The following CHIC2 variants were observed in gnomAD, a reference collection of about 807,000 sequenced individuals.
CHIC2 encodes the protein cysteine-rich hydrophobic domain-containing protein 2.
In CHIC2, 14 loss-of-function variants were observed where a neutral mutation model predicts 25.9. The ratio of observed to expected loss-of-function variants is 0.54; its 90% confidence interval spans 0.36 to 0.85. The LOEUF (loss-of-function observed/expected upper bound fraction) is 0.85. CHIC2 is among the 40% of genes least tolerant of loss of function. The pLI is 0.01. For synonymous variants in CHIC2, 70 were observed against 72.0 expected (o/e 0.97, Z 0.14); for missense variants, 146 against 202.0 (o/e 0.72, Z 1.68).
intron 3 of CHIC2, among the ~76,000 whole-genome samples, chr4:54,014,462 AATAC>A (rs1179068253): frequency 1.3e-5 from 2 of 152,178 alleles, no homozygotes; most frequent in African/African-American, 2.4e-5. Flanking sequence ...GAAGTTCCTT[AATAC>A]ATATTTTAAA....
intron 3 of CHIC2, among the ~76,000 whole-genome samples, chr4:54,042,049 G>C (rs1458175057): frequency 6.7e-6 from 1 of 149,382 alleles, no homozygotes; most frequent in Non-Finnish European, 1.5e-5. Context: ...AAATTATTTT[G>C]CCTCCATCTT....
chr4:54,046,192 C>G (rs1043546009), intron 3 of CHIC2, among the ~76,000 whole-genome samples: 10 of 152,096 alleles, frequency 6.6e-5, no homozygotes, highest in Non-Finnish European at 1.3e-4. Flanking sequence ...TCATGGATAG[C>G]AAGAATCAAT....
intron 3 of CHIC2, among the ~76,000 whole-genome samples, chr4:54,033,796 C>T (rs756543175): frequency 1.3e-5 from 2 of 152,066 alleles, no homozygotes; most frequent in South Asian, 2.1e-4. Context: ...ATTGCCTTTC[C>T]ACCTTTGGTG....
At chr4:54,043,047 A>G (rs1051945848) in intron 3 of CHIC2, among the ~76,000 whole-genome samples, 2 of 152,158 alleles carry the variant, frequency 1.3e-5, no homozygotes, top group Non-Finnish European at 2.9e-5. Context: ...GCAGTGGCTC[A>G]CACCTGTAAT....
At chr4:54,087,071 T>C in the CHIC2 span, 1 of 1,101,460 alleles carries the variant, frequency 9.1e-7, no homozygotes. Context: ...AGAAAAATCT[T>C]GAACCACCTC....
the CHIC2 span, among the ~76,000 whole-genome samples, chr4:54,077,286 C>T: frequency 6.6e-6 from 1 of 152,190 alleles, no homozygotes; most frequent in Non-Finnish European, 1.5e-5. Context: ...CTAGTTGCCT[C>T]CTTCACAGAA....
At chr4:54,062,865 T>C (rs1717379049) in intron 1 of CHIC2, among the ~76,000 whole-genome samples, 2 of 152,132 alleles carry the variant, frequency 1.3e-5, no homozygotes, top group Non-Finnish European at 2.9e-5. Flanking sequence ...TTAATATCCA[T>C]GATATTTGGT....
chr4:54,020,486 T>C (rs1225530317), intron 3 of CHIC2, among the ~76,000 whole-genome samples: 1 of 152,154 alleles, frequency 6.6e-6, no homozygotes, highest in Non-Finnish European at 1.5e-5. Context: ...TGTTTGGTGG[T>C]CTCTTCACAC....
At chr4:54,052,089 A>G (rs573064528) in intron 1 of CHIC2, among the ~76,000 whole-genome samples, 14 of 151,898 alleles carry the variant, frequency 9.2e-5, no homozygotes, top group Non-Finnish European at 1.5e-4. Flanking sequence ...CACAGCAAAT[A>G]TCTCCTTTGC....
intron 3 of CHIC2, among the ~76,000 whole-genome samples, chr4:54,045,938 C>A (rs1006778496): frequency 1.6e-4 from 24 of 151,654 alleles, no homozygotes; most frequent in Non-Finnish European, 4.4e-5. Flanking sequence ...AGCTGATAAG[C>A]AACTTCAGCA....
At chr4:54,063,834 A>G (rs929236735) in intron 1 of CHIC2, among the ~76,000 whole-genome samples, 1 of 152,218 alleles carries the variant, frequency 6.6e-6, no homozygotes, top group African/African-American at 2.4e-5. Flanking sequence ...ACCACAGGGT[A>G]ACTGGGCGAG....
intron 1 of CHIC2, among the ~76,000 whole-genome samples, chr4:54,062,998 C>G (rs1717383081): frequency 6.6e-6 from 1 of 152,162 alleles, no homozygotes. Context: ...GTCACCTGAA[C>G]ATAAACTAAC....
chr4:54,031,676 G>A (rs184973146), intron 3 of CHIC2, among the ~76,000 whole-genome samples: 61 of 133,896 alleles, frequency 4.6e-4, no homozygotes, highest in African/African-American at 1.6e-3. Context: ...CTGGAGTACA[G>A]TGGTGCCATC....
chr4:54,057,840 A>G, intron 1 of CHIC2, among the ~76,000 whole-genome samples: 1 of 152,224 alleles, frequency 6.6e-6, no homozygotes, highest in African/African-American at 2.4e-5. Flanking sequence ...ATCTACATTC[A>G]ACAATCAGGA....
chr4:54,066,626 T>C (rs1045746495), upstream of CHIC2, among the ~76,000 whole-genome samples: 4 of 107,784 alleles, frequency 3.7e-5, no homozygotes, highest in African/African-American at 8.4e-5. Context: ...CCTGAATGTC[T>C]TTTTTTTTTT....
chr4:54,051,760 AG>A (rs1717013743), intron 1 of CHIC2, among the ~76,000 whole-genome samples: 1 of 152,136 alleles, frequency 6.6e-6, no homozygotes, highest in Admixed American at 6.5e-5. Flanking sequence ...CCTTAAACAT[AG>A]CCTACAAACC....
chr4:54,061,434 G>C lies in CHIC2; in HGVS notation c.119+2748C>G, dbSNP rs531241716. On this transcript the variant is annotated intron_variant, in intron 1 of 5. Transcript: ENST00000263921. Reference sequence around the variant, plus strand: ...ATATGGATTGATCTATATCCTTCTAGACTGATCTAGACTACAGATGATTCA... The same window carrying C: ...ATATGGATTGATCTATATCCTTCTACACTGATCTAGACTACAGATGATTCA... Among the ~76,000 whole-genome samples, 44 of 152,120 alleles carry C rather than the reference G, an allele frequency of 2.9e-4. 1 individual carries two copies. Among genetic ancestry groups the C allele is most frequent in the Admixed American group, 2.3e-3 (35 of 15,284 alleles).
chr4:54,086,980 G>A, the CHIC2 span: 1 of 814,334 alleles, frequency 1.2e-6, no homozygotes, highest in Non-Finnish European at 2.1e-6. Context: ...TGCAGAAGAA[G>A]ACAACTTCAA....
chr4:54,032,933 T>C (rs970694395), intron 3 of CHIC2, among the ~76,000 whole-genome samples: 1 of 152,168 alleles, frequency 6.6e-6, no homozygotes, highest in African/African-American at 2.4e-5. Flanking sequence ...GATTGGATCA[T>C]GGGGGCAGAT....
Sources: gnomAD v4.1 joint callset for allele counts (sites outside exome capture counted in the v4.1 genomes callset) on GRCh38, gnomAD v4.1.1 for gene constraint, MANE v1.5 for transcripts, NCBI Gene and HGNC (gene_info 2026-07-23, HGNC 2026-07-21) for gene names.